CHKA: variants seen among roughly 807,000 people sequenced by gnomAD.
The protein encoded by CHKA is CHETK-alpha.
A neutral mutation model predicts 60.1 loss-of-function variants in CHKA; 34 were observed. That is an observed-to-expected ratio of 0.57 (90% confidence interval 0.43 to 0.75). The LOEUF (loss-of-function observed/expected upper bound fraction) is 0.75. CHKA is among the 30% of genes least tolerant of loss of function. The pLI, the probability that CHKA is intolerant of heterozygous loss-of-function variation, is 0.00. For synonymous variants in CHKA, 217 were observed against 223.1 expected, an observed-to-expected ratio of 0.97 and a Z score of 0.24; for missense variants, 563 against 561.3, an observed-to-expected ratio of 1.00 and a Z score of -0.03.
intron 10 of CHKA, among the ~76,000 whole-genome samples, chr11:68,063,712 T>A (rs1856333850): frequency 6.6e-6 from 1 of 152,124 alleles, no homozygotes; most frequent in Non-Finnish European, 1.5e-5. Context: ...GGTGATTAGA[T>A]CATGGGGGTA....
chr11:68,069,394 T>TA (rs1856543766), intron 6 of CHKA, among the ~76,000 whole-genome samples: 1 of 152,096 alleles, frequency 6.6e-6, no homozygotes, highest in East Asian at 1.9e-4. Flanking sequence ...ATTAAAGGTG[T>TA]AAATACTTGT....
intron 11 of CHKA, among the ~76,000 whole-genome samples, chr11:68,061,279 T>C (rs1426738449): frequency 6.6e-6 from 1 of 151,944 alleles, no homozygotes; most frequent in Non-Finnish European, 1.5e-5. Flanking sequence ...CTAATTTTGG[T>C]ATTTTTAGTA....
chr11:68,111,011 A>G (rs954121282), intron 1 of CHKA, among the ~76,000 whole-genome samples: 3 of 151,456 alleles, frequency 2.0e-5, no homozygotes, highest in African/African-American at 4.9e-5. Flanking sequence ...AAAAAAAAAA[A>G]TGATAATAAT....
chr11:68,062,801 CAGAA>C (rs1237949912), intron 10 of CHKA, among the ~76,000 whole-genome samples: 4 of 152,234 alleles, frequency 2.6e-5, no homozygotes, highest in African/African-American at 7.2e-5. Flanking sequence ...GTTCAAGAAA[CAGAA>C]AGAGATGATG....
At chr11:68,087,240 G>C (rs942092747) in intron 2 of CHKA, among the ~76,000 whole-genome samples, 1 of 152,170 alleles carries the variant, frequency 6.6e-6, no homozygotes, top group Non-Finnish European at 1.5e-5. Context: ...AGCACTTTGG[G>C]AGGTTGAGGG....
intron 11 of CHKA, among the ~76,000 whole-genome samples, chr11:68,061,111 T>G (rs961798530): frequency 8.4e-5 from 12 of 143,360 alleles, no homozygotes; most frequent in African/African-American, 3.2e-4. Context: ...TTTTTTTTTT[T>G]TTTTTTTTTT....
chr11:68,070,324 CAAAG>C, intron 5 of CHKA, 31 bp from the exon 6 acceptor site: 4 of 1,410,872 alleles, frequency 2.8e-6, no homozygotes, highest in Non-Finnish European at 4.0e-6. Flanking sequence ...AAGAACAGAA[CAAAG>C]AATCACCGAT....
At chr11:68,087,000 T>C (rs545108330) in intron 2 of CHKA, among the ~76,000 whole-genome samples, 1 of 151,134 alleles carries the variant, frequency 6.6e-6, no homozygotes, top group African/African-American at 2.4e-5. Flanking sequence ...AAAAAAAATG[T>C]CATTTAAAAC....
rs181742877 is a variant in CHKA, at chr11:68,095,317, G to A, written c.462+1702C>T. 4.4e-3 allele frequency among the ~76,000 whole-genome samples: 621 copies of A among 140,424 alleles called. 4 individuals are homozygous for A. The highest frequency in any genetic ancestry group is 0.016 in the African/African-American group (599 of 37,654). 92.1% of individuals were successfully genotyped at this position (140,424 alleles called of 152,430 possible). A position where few individuals can be genotyped will look rare whatever the true frequency, so the allele number is the denominator to read the frequency against. The stretch of plus-strand genomic sequence containing the variant: ...ACTTGAAAGGCTGAGGCAGGAGAAT[G>A]GCGTGAACCCAGGAGGCGCAGCTTG... On this transcript the variant is annotated intron_variant, in intron 2 of 11. Transcript: ENST00000265689.
intron 4 of CHKA, 39 bp from the exon 5 acceptor site, chr11:68,070,896 AG>A (rs1856596743): frequency 1.9e-6 from 3 of 1,589,078 alleles, no homozygotes; most frequent in Non-Finnish European, 2.6e-6. Context: ...ACATTTACCA[AG>A]TAAACTAAAA....
In CHKA at chr11:68,121,064, G is replaced by A; in HGVS notation, c.114C>T (p.Asp38=). ...APAPGVGQQR[D]AASDLESKQL... is the part of the protein sequence containing the mutation. ...GCTTGGACTCGAGGTCGCTGGCGGC[G>A]TCGCGCTGCTGCCCCACGCCGGGCG... The change falls in exon 1 of 12, where the codon GAC becomes GAT. Residue 38 remains aspartate, a synonymous_variant. Coordinates refer to ENST00000265689, the MANE Select transcript of CHKA (RefSeq NM_001277.3). 9.0e-7 allele frequency: 1 copy of A among 1,116,414 alleles called. No individual in the cohort carries two copies. Among genetic ancestry groups the A allele is most frequent in the Non-Finnish European group, 1.1e-6 (1 of 914,688 alleles). The allele number at this position is 1,116,414 out of a possible 1,614,324, so 69.2% of individuals were successfully genotyped here.
At chr11:68,074,420 A>C (rs1006883523) in intron 4 of CHKA, among the ~76,000 whole-genome samples, 1 of 152,192 alleles carries the variant, frequency 6.6e-6, no homozygotes. Flanking sequence ...GGGCCCTAGA[A>C]GTTGAGAGGA....
chr11:68,108,824 T>A (rs1184692551), intron 1 of CHKA, among the ~76,000 whole-genome samples: 2 of 152,146 alleles, frequency 1.3e-5, no homozygotes, highest in East Asian at 3.9e-4. Context: ...GAATCACAGT[T>A]TACTGGAGCA....
At chr11:68,115,873 T>C (rs1858365482) in intron 1 of CHKA, among the ~76,000 whole-genome samples, 1 of 152,216 alleles carries the variant, frequency 6.6e-6, no homozygotes, top group Admixed American at 6.5e-5. Flanking sequence ...TAGGTTATAA[T>C]ACAACTACAT....
intron 1 of CHKA, among the ~76,000 whole-genome samples, chr11:68,104,017 G>A (rs530463040): frequency 2.6e-4 from 39 of 152,002 alleles, no homozygotes; most frequent in Admixed American, 2.2e-3. Context: ...CAGTACATCA[G>A]ACATCTACAC....
intron 1 of CHKA, among the ~76,000 whole-genome samples, chr11:68,120,350 T>G (rs1325697897): frequency 2.0e-5 from 3 of 152,040 alleles, no homozygotes; most frequent in African/African-American, 7.2e-5. Flanking sequence ...AAAATGCTAC[T>G]CCTCCACTAA....
rs145981406 is a variant in CHKA at position 68,103,421 on chromosome 11, T to G, written c.351-6291A>C. ...ATGAAAAAATGCTGACCACCACTAG[T>G]CATTATTAGACTGTCTATTTTCAAT... On this transcript the variant is annotated intron_variant, in intron 1 of 11. Transcript: ENST00000265689. Among the ~76,000 whole-genome samples the G allele has an allele frequency of 3.9e-5, 6 of 151,972 alleles. No homozygotes were observed. The East Asian group carries it at 1.2e-3, about 29-fold the overall frequency.
At chr11:68,112,248 TTTTA>T (rs1168831218) in intron 1 of CHKA, among the ~76,000 whole-genome samples, 1 of 150,522 alleles carries the variant, frequency 6.6e-6, no homozygotes, top group African/African-American at 2.5e-5. Flanking sequence ...TGGTGATTGC[TTTTA>T]TTTATTTATT....
chr11:68,096,317 C>T lies in CHKA; in HGVS notation c.462+702G>A, dbSNP rs967311103. On this transcript the variant is annotated intron_variant, in intron 2 of 11. Coordinates refer to ENST00000265689, the MANE Select transcript of CHKA (RefSeq NM_001277.3). ...CAGAGGTTGCAGTGAGCTGAGATCACGCCATTGCACTCCAGCCTGGGCAAC... is the reference window on the plus strand; with the variant it reads ...CAGAGGTTGCAGTGAGCTGAGATCATGCCATTGCACTCCAGCCTGGGCAAC... Among the ~76,000 whole-genome samples the T allele has an allele frequency of 4.6e-5, 7 of 152,106 alleles. No homozygotes were observed. In the South Asian group the frequency reaches 1.2e-3, roughly 27 times the overall value.
Sources: gnomAD v4.1 joint callset for allele counts (sites outside exome capture counted in the v4.1 genomes callset) on GRCh38, gnomAD v4.1.1 for gene constraint, MANE v1.5 for transcripts, NCBI Gene and HGNC (gene_info 2026-07-23, HGNC 2026-07-21) for gene names.